MGAT4C: variants seen among roughly 807,000 people sequenced by gnomAD.
The protein encoded by MGAT4C is alpha-1,3-mannosyl-glycoprotein 4-beta-N-acetylglucosaminyltransferase C.
In MGAT4C, 19 loss-of-function variants were observed where a neutral mutation model predicts 40.1. That is an observed-to-expected ratio of 0.47 (90% confidence interval 0.33 to 0.70). The LOEUF (loss-of-function observed/expected upper bound fraction) is 0.70. MGAT4C is among the 30% of genes least tolerant of loss of function. The probability of loss-of-function intolerance (pLI) is 0.02; values close to 1 mark genes in which losing one functional copy is unlikely to be tolerated. For synonymous variants in MGAT4C, 181 were observed against 187.1 expected, an observed-to-expected ratio of 0.97 and a Z score of 0.27; for missense variants, 491 against 563.2, an observed-to-expected ratio of 0.87 and a Z score of 1.30.
In MGAT4C at chr12:85,960,371, T is replaced by C. The variant is rs1369237550; in HGVS notation, c.*18918A>G. 1 of 151,976 alleles carries C rather than the reference T, an allele frequency of 6.6e-6. No individual in the cohort carries two copies. The highest frequency in any genetic ancestry group is 1.9e-4 in the East Asian group (1 of 5,188). The allele number at this position is 151,976 out of a possible 1,614,324, so 9.4% of individuals were successfully genotyped here. ...AATTGAGAGAAGACAGAATTTCAAGTCTGAATTATGACTTCACTACTGTGT... is the reference window on the plus strand; with the variant it reads ...AATTGAGAGAAGACAGAATTTCAAGCCTGAATTATGACTTCACTACTGTGT... On this transcript the variant is annotated 3_prime_UTR_variant, in exon 5 of 5. Transcript: ENST00000611864.
chr12:86,215,514 G>T (rs1033216780), intron 1 of MGAT4C, among the ~76,000 whole-genome samples: 1 of 152,112 alleles, frequency 6.6e-6, no homozygotes, highest in Non-Finnish European at 1.5e-5. Context: ...TAATAGCCAA[G>T]TTTTAGCCAA....
intron 2 of MGAT4C, among the ~76,000 whole-genome samples, chr12:86,719,067 A>T (rs1043928371): frequency 9.2e-5 from 14 of 152,178 alleles, no homozygotes; most frequent in African/African-American, 3.4e-4. Context: ...CTGTTCTTCA[A>T]GTTAGTCACA....
At chr12:86,475,619 T>C (rs1488964080) in intron 2 of MGAT4C, among the ~76,000 whole-genome samples, 1 of 152,050 alleles carries the variant, frequency 6.6e-6, no homozygotes, top group African/African-American at 2.4e-5. Flanking sequence ...TTATGGTCTC[T>C]CTTTTCTTGA....
Position 86,723,535 on chromosome 12 carries a change from T to C in MGAT4C, c.-229+3674A>G, listed in dbSNP as rs558614579. Among the ~76,000 whole-genome samples, 9 of 152,276 alleles carry C rather than the reference T, an allele frequency of 5.9e-5. No individual in the cohort carries two copies. The South Asian group carries it at 1.9e-3, about 32-fold the overall frequency. ...CTTCTTGCTGTGTTTCTTCACATTGTTTTCCCTCTGAGTAAGTCTGCATAT... is the reference window on the plus strand; with the variant it reads ...CTTCTTGCTGTGTTTCTTCACATTGCTTTCCCTCTGAGTAAGTCTGCATAT... On this transcript the variant is annotated intron_variant, in intron 2 of 7. Transcript: ENST00000548651.
At position 86,802,333 on chromosome 12, in the gene MGAT4C, T is replaced by C. The variant is rs1018285873; in HGVS notation, c.-262+36333A>G. ...TGCATACTGTGTTAGATACTCAAAG[T>C]CCAAAAATATAACTAAATATTCTGT... On this transcript the variant is annotated intron_variant, in intron 1 of 7. Transcript: ENST00000548651. Among the ~76,000 whole-genome samples the C allele has an allele frequency of 5.3e-5, 8 of 151,966 alleles. No individual in the cohort carries two copies. In the East Asian group the frequency reaches 1.4e-3, roughly 26 times the overall value.
intron 3 of MGAT4C, among the ~76,000 whole-genome samples, chr12:86,407,950 G>C (rs73187467): frequency 6.6e-6 from 1 of 152,160 alleles, no homozygotes; most frequent in Non-Finnish European, 1.5e-5. Flanking sequence ...AAATTACTTA[G>C]TTATAATGAA....
At chr12:86,278,968 T>C (rs1953145860) in intron 4 of MGAT4C, among the ~76,000 whole-genome samples, 1 of 148,822 alleles carries the variant, frequency 6.7e-6, no homozygotes, top group Non-Finnish European at 1.5e-5. Context: ...TGATATGATG[T>C]CTCACATCCT....
intron 3 of MGAT4C, among the ~76,000 whole-genome samples, chr12:86,361,471 C>A (rs1420898135): frequency 6.6e-6 from 1 of 152,110 alleles, no homozygotes; most frequent in Non-Finnish European, 1.5e-5. Context: ...GCAACAAAAG[C>A]CAAAATTGAC....
chr12:86,377,060 CTTTT>C (rs57102882), intron 3 of MGAT4C, among the ~76,000 whole-genome samples: 2 of 130,672 alleles, frequency 1.5e-5, no homozygotes, highest in African/African-American at 5.6e-5. Context: ...TAGGCATTTG[CTTTT>C]TTTTTTTTTT....
intron 2 of MGAT4C, among the ~76,000 whole-genome samples, chr12:86,471,056 T>C (rs76421041): frequency 0.01 from 1,561 of 151,876 alleles, 19 homozygotes; most frequent in East Asian, 0.046. Flanking sequence ...AATAAGAAAA[T>C]TATCAGGTGA....
At chr12:86,391,023 C>T (rs1444007573) in intron 3 of MGAT4C, among the ~76,000 whole-genome samples, 4 of 152,152 alleles carry the variant, frequency 2.6e-5, no homozygotes, top group Non-Finnish European at 5.9e-5. Context: ...GAATATGGGG[C>T]TACTGAGTCA....
intron 4 of MGAT4C, among the ~76,000 whole-genome samples, chr12:86,268,434 A>G (rs1466316513): frequency 1.3e-5 from 2 of 151,952 alleles, no homozygotes; most frequent in African/African-American, 4.8e-5. Context: ...TGAAAAATAC[A>G]TGATATATAA....
At position 86,687,097 on chromosome 12, in the gene MGAT4C, T is replaced by C. The variant is rs976858170; in HGVS notation, c.-229+40112A>G. On this transcript the variant is annotated intron_variant, in intron 2 of 7. Transcript: ENST00000548651. ...GATGATGCATGTGTCCAGGAATTTATCCATTTCTTCTAGATTTTATAGTTT... is the reference window on the plus strand; with the variant it reads ...GATGATGCATGTGTCCAGGAATTTACCCATTTCTTCTAGATTTTATAGTTT... Among the ~76,000 whole-genome samples the C allele has an allele frequency of 7.2e-5, 11 of 152,358 alleles. 1 individual carries two copies. In the East Asian group the frequency reaches 2.1e-3, roughly 29 times the overall value.
At position 86,802,142 on chromosome 12, in the gene MGAT4C, G is replaced by A. The variant is rs144780184; in HGVS notation, c.-262+36524C>T. 3.5e-3 allele frequency among the ~76,000 whole-genome samples: 529 copies of A among 151,988 alleles called. 2 individuals carry two copies. Among genetic ancestry groups the A allele is most frequent in the African/African-American group, 0.012 (508 of 41,500 alleles). ...TTATAATTAGCTTTATACCACACAAGGTGCCATATATTTAGAATTGTTGAA... is the reference window on the plus strand; with the variant it reads ...TTATAATTAGCTTTATACCACACAAAGTGCCATATATTTAGAATTGTTGAA... On this transcript the variant is annotated intron_variant, in intron 1 of 7. Coordinates refer to the MGAT4C transcript ENST00000548651.
At chr12:86,229,586 C>T (rs1951233411) in intron 1 of MGAT4C, among the ~76,000 whole-genome samples, 1 of 151,880 alleles carries the variant, frequency 6.6e-6, no homozygotes, top group Admixed American at 6.6e-5. Flanking sequence ...AAGCCATGCC[C>T]TGTGTTAAGT....
chr12:86,734,613 G>A (rs1365525981), intron 1 of MGAT4C, among the ~76,000 whole-genome samples: 1 of 151,992 alleles, frequency 6.6e-6, no homozygotes, highest in Non-Finnish European at 1.5e-5. Context: ...AAGAGAGCTT[G>A]CTTCTTCTCT....
intron 2 of MGAT4C, among the ~76,000 whole-genome samples, chr12:86,641,899 G>A (rs951953785): frequency 6.6e-6 from 1 of 151,786 alleles, no homozygotes; most frequent in African/African-American, 2.4e-5. Context: ...TTCTATAAAT[G>A]CTCATGTTTG....
chr12:86,618,326 G>A (rs1048392316), intron 2 of MGAT4C, among the ~76,000 whole-genome samples: 1 of 152,082 alleles, frequency 6.6e-6, no homozygotes, highest in African/African-American at 2.4e-5. Flanking sequence ...TCACTACTGG[G>A]TATTTTATCC....
chr12:86,694,317 G>A (rs1437577195), intron 2 of MGAT4C, among the ~76,000 whole-genome samples: 7 of 151,406 alleles, frequency 4.6e-5, no homozygotes, highest in Admixed American at 3.3e-4. Context: ...TTCTAAACAT[G>A]ACAAAATGTG....
Sources: gnomAD v4.1 joint callset for allele counts (sites outside exome capture counted in the v4.1 genomes callset) on GRCh38, gnomAD v4.1.1 for gene constraint, MANE v1.5 for transcripts, NCBI Gene and HGNC (gene_info 2026-07-23, HGNC 2026-07-21) for gene names.